The following BRWD3 variants were observed in gnomAD, a reference collection of about 807,000 sequenced individuals.
BRWD3 encodes the protein bromodomain and WD repeat-containing protein 3.
In BRWD3, 10 loss-of-function variants were observed where a neutral mutation model predicts 149.7. The observed-to-expected ratio is 0.07, with a 90% CI of 0.04 to 0.11. The LOEUF (loss-of-function observed/expected upper bound fraction) is 0.11, where lower values mean the gene tolerates loss of function less well. BRWD3 is among the 10% of genes least tolerant of loss of function. BRWD3 has a pLI of 1.00. For synonymous variants in BRWD3, 504 were observed against 456.7 expected (o/e 1.10, Z -1.32); for missense variants, 940 against 1,373.2 (o/e 0.68, Z 4.99).
intron 6 of BRWD3, among the ~76,000 whole-genome samples, chrX:80,747,506 GAAA>G (rs11332158): frequency 9.7e-6 from 1 of 103,572 alleles, no homozygotes; most frequent in Non-Finnish European, 2.0e-5. Context: ...AATAGAAGGG[GAAA>G]AAAAAAACAA....
Position 80,805,617 on chromosome X carries a change from T to C in BRWD3, c.180+2922A>G, listed in dbSNP as rs2074341448. Among the ~76,000 whole-genome samples, 3 of 111,836 alleles carry C rather than the reference T, an allele frequency of 2.7e-5. No homozygotes were observed. In the Admixed American group the frequency reaches 2.9e-4, roughly 11 times the overall value. On this transcript the variant is annotated intron_variant, in intron 4 of 40. Coordinates refer to ENST00000373275, the MANE Select transcript of BRWD3 (RefSeq NM_153252.5). ...AATCAAAGACCACACTTTATAAATC[T>C]ATCATTCCAATAACAATTTAAAAAA...
At chrX:80,746,364 T>TAGGAG in intron 6 of BRWD3, among the ~76,000 whole-genome samples, 1 of 111,148 alleles carries the variant, frequency 9.0e-6, no homozygotes, top group African/African-American at 3.3e-5. Flanking sequence ...CTTCATCTCC[T>TAGGAG]ATGAAGTCAT....
At chrX:80,684,334 A>T (rs770481938) in intron 36 of BRWD3, among the ~76,000 whole-genome samples, 172 bp from the exon 37 acceptor site, 2 of 111,833 alleles carry the variant, frequency 1.8e-5, no homozygotes, top group African/African-American at 3.2e-5. Flanking sequence ...TAAAAACAGC[A>T]TAAGTCTGTG....
At chrX:80,748,480 A>C (rs1395376174) in intron 6 of BRWD3, among the ~76,000 whole-genome samples, 1 of 112,128 alleles carries the variant, frequency 8.9e-6, no homozygotes, top group Non-Finnish European at 1.9e-5. Flanking sequence ...TTCTGCTTTA[A>C]ATGTTTGGTA....
intron 6 of BRWD3, among the ~76,000 whole-genome samples, chrX:80,778,516 T>C (rs2074021935): frequency 8.9e-6 from 1 of 111,836 alleles, no homozygotes. Context: ...TGTACAGACA[T>C]AGGGCAGAAA....
Position 80,681,435 on chromosome X carries a change from A to T in BRWD3, c.4560T>A (p.Ser1520=). The T allele has an allele frequency of 1.7e-6, 2 of 1,209,679 alleles. No individual in the cohort carries two copies. Among genetic ancestry groups the T allele is most frequent in the Non-Finnish European group, 2.2e-6 (2 of 893,769 alleles). Residue 1520 remains serine (S), a synonymous_variant, in exon 40 of 41, where the codon TCT becomes TCA. Transcript: ENST00000373275. ...LLDDEPDGPF[S]SSSFGGYSRS... is the part of the protein sequence containing the mutation. Reference sequence around the variant, plus strand: ...GGCTATATCCACCGAAGCTCGATGAAGAAAATGGCCCATCTGGCTCATCAT... The same window carrying T: ...GGCTATATCCACCGAAGCTCGATGATGAAAATGGCCCATCTGGCTCATCAT...
At chrX:80,771,170 A>G (rs1229819329) in intron 6 of BRWD3, among the ~76,000 whole-genome samples, 2 of 111,697 alleles carry the variant, frequency 1.8e-5, no homozygotes, top group Non-Finnish European at 3.8e-5. Context: ...AAATGGCCCT[A>G]CTGCCCAAGG....
chrX:80,753,109 T>G (rs900046452), intron 6 of BRWD3, among the ~76,000 whole-genome samples: 9 of 111,889 alleles, frequency 8.0e-5, no homozygotes, highest in African/African-American at 1.9e-4. Context: ...ATTAGTCCCC[T>G]ATCAGATGGA....
At chrX:80,803,946 G>A (rs12012250) in intron 4 of BRWD3, among the ~76,000 whole-genome samples, 8,590 of 112,028 alleles carry the variant, frequency 0.077, 663 homozygotes, top group African/African-American at 0.23. Flanking sequence ...GATCAAATGA[G>A]ATAATGTGAA....
rs1214022600 is a variant in BRWD3, at chrX:80,683,871, T to C, written c.4233+139A>G. ...ACAAATAAGAGAAAGGAAAAGGTGG[T>C]TAATTTCAGAATGACTGCTAAATGT... On this transcript the variant is annotated intron_variant, in intron 37 of 40. Transcript: ENST00000373275. 5 of 559,081 alleles carry C rather than the reference T, an allele frequency of 8.9e-6. No homozygotes were observed. In the East Asian group the frequency reaches 1.1e-4, roughly 12 times the overall value. 46.1% of individuals were successfully genotyped at this position (559,081 alleles called of 1,213,427 possible).
At chrX:80,729,328 T>C (rs2073293628) in intron 13 of BRWD3, among the ~76,000 whole-genome samples, 1 of 111,664 alleles carries the variant, frequency 9.0e-6, no homozygotes, top group Admixed American at 9.5e-5. Flanking sequence ...TGTAATTAAA[T>C]ATGACATTAT....
chrX:80,740,224 T>G (rs1490791421), intron 8 of BRWD3, among the ~76,000 whole-genome samples: 1 of 111,647 alleles, frequency 9.0e-6, no homozygotes, highest in East Asian at 2.8e-4. Context: ...TAAACAAAAG[T>G]AAATGGGTAT....
In BRWD3 at chrX:80,688,294, T is replaced by G. The variant is rs142819701; in HGVS notation, c.3808-169A>C. Among the ~76,000 whole-genome samples, 396 of 111,453 alleles carry G rather than the reference T, an allele frequency of 3.6e-3. 2 individuals are homozygous for G. The highest frequency in any genetic ancestry group is 0.012 in the African/African-American group (380 of 30,752). ...AGACTCACACCAAACTTTCCCAATA[T>G]GCAGTGTACAAGCTGGAAAATATAC... On this transcript the variant is annotated intron_variant, in intron 33 of 40. Transcript: ENST00000373275.
intron 6 of BRWD3, among the ~76,000 whole-genome samples, chrX:80,772,061 G>A (rs750785429): frequency 4.5e-5 from 5 of 111,707 alleles, no homozygotes; most frequent in South Asian, 3.8e-4. Flanking sequence ...ACAGTGTGGC[G>A]ATTCCTAAAC....
At chrX:80,712,800 G>A (rs1165996461) in intron 20 of BRWD3, among the ~76,000 whole-genome samples, 1 of 84,086 alleles carries the variant, frequency 1.2e-5, no homozygotes, top group Non-Finnish European at 2.4e-5. Context: ...GCCCGGCCGC[G>A]ACCCCGTCTG....
Position 80,696,823 on chromosome X carries a change from A to G in BRWD3, c.2984T>C (p.Val995Ala), listed in dbSNP as rs1271533747. The change falls in exon 26 of 41, where the codon GTT becomes GCT. Residue 995 changes from valine to alanine, a missense_variant. Physicochemically the swap from Val to Ala is moderately conservative, Grantham distance 64 (BLOSUM62 0). Around this residue, in one of 6 missense-constraint regions of BRWD3, gnomAD observed 158 missense variants for 284.0 expected, o/e 0.56. Transcript: ENST00000373275. ...CAAGCAGCACAGTGTGGGTGGGCCAACCTCATATTTGATTCCTACAATCTT... is the reference window on the plus strand; with the variant it reads ...CAAGCAGCACAGTGTGGGTGGGCCAGCCTCATATTTGATTCCTACAATCTT... ...FVKIVGIKYE[V>A]GPPTLCCLKL... The G allele has an allele frequency of 8.3e-7, 1 of 1,205,549 alleles. No individual in the cohort carries two copies. Among genetic ancestry groups the G allele is most frequent in the African/African-American group, 1.8e-5 (1 of 56,894 alleles).
rs4240018 is a variant in BRWD3 at position 80,733,519 on chromosome X, C to G, written c.1087-23G>C. 0.38 allele frequency: 442,211 copies of G among 1,165,526 alleles called. 71,486 individuals are homozygous for G. The highest frequency in any genetic ancestry group is 0.98 in the East Asian group (32,726 of 33,331). On this transcript the variant is annotated intron_variant, in intron 11 of 40. Transcript: ENST00000373275. ...ATCCTAAGACATGAAACAGATTTTT[C>G]GTTAAAATGGACTTATTTGTAAAAT...
rs899259086 is a variant in BRWD3 at position 80,725,187 on chromosome X, G to T, written c.1387-120C>A. On this transcript the variant is annotated intron_variant, in intron 14 of 40. Coordinates refer to ENST00000373275, the MANE Select transcript of BRWD3 (RefSeq NM_153252.5). Reference sequence around the variant, plus strand: ...TGAATTTATGCAGAATAATTTAACAGCATTTATGACATGGATACTACATGA... The same window carrying T: ...TGAATTTATGCAGAATAATTTAACATCATTTATGACATGGATACTACATGA... The T allele has an allele frequency of 5.2e-6, 4 of 763,930 alleles. No homozygotes were observed. The African/African-American group carries it at 8.3e-5, about 16-fold the overall frequency. The allele number at this position is 763,930 out of a possible 1,213,427, so 63.0% of individuals were successfully genotyped here. A position where few individuals can be genotyped will look rare whatever the true frequency, so the allele number is the denominator to read the frequency against.
intron 8 of BRWD3, among the ~76,000 whole-genome samples, chrX:80,740,852 C>T (rs1009956981): frequency 1.1e-4 from 12 of 112,243 alleles, no homozygotes; most frequent in Admixed American, 9.4e-5. Flanking sequence ...GACTGGCAAA[C>T]ATCTTGCATT....
Sources: allele counts gnomAD v4.1 joint callset (sites outside exome capture counted in the v4.1 genomes callset), GRCh38; gene constraint gnomAD v4.1.1; regional missense constraint gnomAD v4.1.1; transcripts MANE v1.5; gene names NCBI Gene and HGNC (gene_info 2026-07-23, HGNC 2026-07-21).